Variants in GRID2 observed in about 807,000 individuals in gnomAD.
The protein encoded by GRID2 is glutamate ionotropic receptor delta type subunit 2, also known as glutamate receptor ionotropic, delta-2.
A neutral mutation model predicts 114.8 loss-of-function variants in GRID2; 33 were observed. The observed-to-expected ratio is 0.29, with a 90% CI of 0.22 to 0.38. The LOEUF is 0.38. Among genes scored for constraint, GRID2 ranks in the 10% least tolerant of loss-of-function variants. The pLI, the probability that GRID2 is intolerant of heterozygous loss-of-function variation, is 1.00. For missense variants in GRID2, 1,184 were observed against 1,257.7 expected, an observed-to-expected ratio of 0.94 and a Z score of 0.89; for synonymous variants, 505 against 449.9, an observed-to-expected ratio of 1.12 and a Z score of -1.55.
intron 2 of GRID2, among the ~76,000 whole-genome samples, chr4:92,759,584 G>A (rs1334141884): frequency 6.6e-6 from 1 of 151,860 alleles, no homozygotes; most frequent in Non-Finnish European, 1.5e-5. Context: ...GTGTGTATAT[G>A]TGTATCATCT....
At chr4:92,359,465 T>C (rs1385381378) in intron 1 of GRID2, among the ~76,000 whole-genome samples, 2 of 152,004 alleles carry the variant, frequency 1.3e-5, no homozygotes, top group Admixed American at 6.6e-5. Flanking sequence ...ATATAATTTA[T>C]AGGGCTGAGT....
rs550961545 is a variant in GRID2, at chr4:93,598,786, T to C, written c.2194-27483T>C. ...CCTCTTTCATAGCTTTCTGTTTCTG[T>C]TTCTATGTTTTATTCAGACAAAATA... On this transcript the variant is annotated intron_variant, in intron 13 of 15. Coordinates refer to ENST00000282020, the MANE Select transcript of GRID2 (RefSeq NM_001510.4). Among the ~76,000 whole-genome samples, 7 of 152,312 alleles carry C rather than the reference T, an allele frequency of 4.6e-5. 1 individual carries two copies. In the South Asian group the frequency reaches 1.4e-3, roughly 32 times the overall value.
chr4:92,533,431 C>G (rs1725450595), intron 1 of GRID2, among the ~76,000 whole-genome samples: 1 of 147,676 alleles, frequency 6.8e-6, no homozygotes, highest in Admixed American at 6.9e-5. Context: ...AATCTTAATG[C>G]TCAAAGTACT....
intron 13 of GRID2, among the ~76,000 whole-genome samples, chr4:93,571,044 G>A (rs1453062069): frequency 6.6e-6 from 1 of 152,126 alleles, no homozygotes; most frequent in Non-Finnish European, 1.5e-5. Context: ...GAGGGTGAGA[G>A]AGAATATTAT....
intron 2 of GRID2, among the ~76,000 whole-genome samples, chr4:92,804,469 G>T (rs1050638685): frequency 2.0e-5 from 3 of 151,806 alleles, no homozygotes; most frequent in African/African-American, 7.2e-5. Flanking sequence ...AGAAGATATT[G>T]TCTAGTTTGG....
chr4:92,790,295 C>T (rs1739519983), intron 2 of GRID2, among the ~76,000 whole-genome samples: 1 of 151,672 alleles, frequency 6.6e-6, no homozygotes, highest in Admixed American at 6.6e-5. Context: ...AACCTTAGGT[C>T]ATTTTTTAAA....
At chr4:93,778,678 G>T (rs1026212234), downstream of GRID2, among the ~76,000 whole-genome samples, 1 of 152,112 alleles carries the variant, frequency 6.6e-6, no homozygotes, top group Non-Finnish European at 1.5e-5. Flanking sequence ...GATTACAGGC[G>T]TGAGCCACCA....
intron 8 of GRID2, among the ~76,000 whole-genome samples, chr4:93,337,929 C>A (rs1759253886): frequency 6.6e-6 from 1 of 152,150 alleles, no homozygotes; most frequent in Non-Finnish European, 1.5e-5. Context: ...CTGCTCCACC[C>A]TTTGCCTTCC....
intron 9 of GRID2, among the ~76,000 whole-genome samples, chr4:93,413,810 A>G (rs1767443286): frequency 6.6e-6 from 1 of 152,212 alleles, no homozygotes. Context: ...TAAAAAAGAA[A>G]GTATACATTT....
intron 13 of GRID2, among the ~76,000 whole-genome samples, chr4:93,581,573 T>A (rs1490465676): frequency 1.3e-5 from 2 of 152,298 alleles, no homozygotes; most frequent in East Asian, 3.9e-4. Flanking sequence ...TTGTTTAAAC[T>A]AGAAAGGACC....
intron 9 of GRID2, among the ~76,000 whole-genome samples, chr4:93,412,587 T>C (rs1767309295): frequency 6.6e-6 from 1 of 152,140 alleles, no homozygotes; most frequent in Non-Finnish European, 1.5e-5. Flanking sequence ...ATTTTTCTTT[T>C]TCTTTTATTT....
intron 8 of GRID2, among the ~76,000 whole-genome samples, chr4:93,301,127 GTC>G (rs919407486): frequency 3.9e-5 from 6 of 152,110 alleles, no homozygotes. Flanking sequence ...ATATGAGAAG[GTC>G]TCTCTCTTCC....
intron 1 of GRID2, among the ~76,000 whole-genome samples, chr4:92,338,424 A>G (rs1201714514): frequency 6.6e-6 from 1 of 152,166 alleles, no homozygotes; most frequent in Non-Finnish European, 1.5e-5. Context: ...AATATTGTCT[A>G]CTGACACATA....
At chr4:93,311,573 A>G (rs1756017910) in intron 8 of GRID2, among the ~76,000 whole-genome samples, 1 of 152,384 alleles carries the variant, frequency 6.6e-6, no homozygotes, top group Non-Finnish European at 1.5e-5. Flanking sequence ...CAAGCTAGCA[A>G]ATTGGCTGTA....
At chr4:92,330,026 A>AGAGAGAGAGAGAGAGAGAGAGAGAG in intron 1 of GRID2, among the ~76,000 whole-genome samples, 14 of 150,446 alleles carry the variant, frequency 9.3e-5, no homozygotes, top group African/African-American at 3.2e-4. Flanking sequence ...AGAGAGAGAG[A>AGAGAGAGAGAGAGAGAGAGAGAGAG]AACATGCTAG....
chr4:92,887,275 C>T (rs1746441139), intron 2 of GRID2, among the ~76,000 whole-genome samples: 1 of 152,206 alleles, frequency 6.6e-6, no homozygotes, highest in Non-Finnish European at 1.5e-5. Context: ...CCCAACTCAG[C>T]GTACCTGATT....
chr4:92,795,068 A>T (rs1025510797), intron 2 of GRID2, among the ~76,000 whole-genome samples: 1 of 151,532 alleles, frequency 6.6e-6, no homozygotes, highest in South Asian at 2.1e-4. Flanking sequence ...CTTCACATTG[A>T]AAAGGCAGAA....
At chr4:92,690,489 G>A (rs1375220337) in intron 2 of GRID2, among the ~76,000 whole-genome samples, 3 of 152,118 alleles carry the variant, frequency 2.0e-5, no homozygotes, top group Admixed American at 6.6e-5. Context: ...ATATAAAGCA[G>A]TAAAAATTTG....
intron 1 of GRID2, among the ~76,000 whole-genome samples, chr4:92,531,552 A>G (rs759731463): frequency 2.0e-5 from 3 of 152,132 alleles, no homozygotes; most frequent in Non-Finnish European, 4.4e-5. Context: ...AGTCACTAAA[A>G]TGACCCATGT....
Sources: allele counts gnomAD v4.1 joint callset (sites outside exome capture counted in the v4.1 genomes callset), GRCh38; gene constraint gnomAD v4.1.1; transcripts MANE v1.5; gene names NCBI Gene and HGNC (gene_info 2026-07-23, HGNC 2026-07-21).